Variants in NEK3 observed in about 807,000 individuals in gnomAD.
NEK3 encodes serine/threonine-protein kinase Nek3.
A neutral mutation model predicts 66.0 loss-of-function variants in NEK3; 54 were observed. The ratio of observed to expected loss-of-function variants is 0.82; its 90% CI spans 0.66 to 1.03. The LOEUF is 1.03. Among genes scored for constraint, NEK3 ranks in the 50% least tolerant of loss-of-function variants. The pLI, the probability that NEK3 is intolerant of heterozygous loss-of-function variation, is 0.00. For missense variants in NEK3, 593 were observed against 603.0 expected (o/e 0.98, Z 0.17); for synonymous variants, 200 against 206.2 (o/e 0.97, Z 0.26).
At chr13:52,137,601 C>T (rs1956216132) in intron 11 of NEK3, among the ~76,000 whole-genome samples, 1 of 152,182 alleles carries the variant, frequency 6.6e-6, no homozygotes, top group South Asian at 2.1e-4. Flanking sequence ...AAATCTGTCA[C>T]TTAACAGTGG....
chr13:52,151,280 T>G (rs556094458), intron 6 of NEK3, 45 bp downstream of exon 6: 1 of 1,594,270 alleles, frequency 6.3e-7, no homozygotes. Context: ...TTCCTGAAAA[T>G]TGATGTTTTG....
chr13:52,152,727 G>A, intron 4 of NEK3, 35 bp from the exon 5 acceptor site: 1 of 1,324,204 alleles, frequency 7.6e-7, no homozygotes, highest in Non-Finnish European at 1.1e-6. Flanking sequence ...CTTCAAGAAT[G>A]CAGTAACTGG....
intron 2 of NEK3, 35 bp downstream of exon 2, chr13:52,156,040 T>C (rs749447358): frequency 2.1e-5 from 29 of 1,367,346 alleles, no homozygotes; most frequent in Non-Finnish European, 3.0e-5. Flanking sequence ...ACTGCATGTA[T>C]ACTTTCAAAG....
chr13:52,144,044 G>C, intron 9 of NEK3, 57 bp from the exon 10 acceptor site: 1 of 904,734 alleles, frequency 1.1e-6, no homozygotes, highest in Non-Finnish European at 1.7e-6. Flanking sequence ...TATAGATACT[G>C]CCGTGATGTC....
Position 52,133,150 on chromosome 13 carries a change from C to T in NEK3, c.1513G>A (p.Asp505Asn), listed in dbSNP as rs369643612. The T allele has an allele frequency of 3.4e-5, 55 of 1,608,754 alleles. No homozygotes were observed. Among genetic ancestry groups the T allele is most frequent in the Middle Eastern group, 1.6e-4 (1 of 6,082 alleles). Residue 505 changes from aspartate to asparagine, a missense_variant, in exon 16 of 16, where the codon GAC becomes AAC. Transcript: ENST00000610828. ...GAACATTTCCTCAGGCATTATCTGT[C>T]GCACAGGCCTTGCCATCCAGCTCGC... ...KKRAGWQGLC[D>N]R
chr13:52,157,574 CAT>C (rs1956405976), intron 1 of NEK3: 2 of 152,332 alleles, frequency 1.3e-5, no homozygotes, highest in African/African-American at 2.4e-5. Context: ...AGAAGACAGA[CAT>C]GTGTTTCATT....
intron 7 of NEK3, 64 bp from the exon 8 acceptor site, chr13:52,148,533 T>C: frequency 2.2e-6 from 3 of 1,393,946 alleles, no homozygotes; most frequent in Non-Finnish European, 3.0e-6. Context: ...CAAAAAATAA[T>C]TTCTTACCTT....
At chr13:52,135,627 T>C in intron 14 of NEK3, 102 bp downstream of exon 14, 1 of 1,043,340 alleles carries the variant, frequency 9.6e-7, no homozygotes, top group Non-Finnish European at 1.4e-6. Flanking sequence ...TACTGAACTG[T>C]ACACCTTAAA....
intron 4 of NEK3, 80 bp from the exon 5 acceptor site, chr13:52,152,772 T>G: frequency 2.3e-6 from 2 of 864,336 alleles, no homozygotes; most frequent in Non-Finnish European, 3.8e-6. Flanking sequence ...GAATCATCTC[T>G]AGGCCTTAGT....
chr13:52,144,441 G>A (rs1407253555), intron 9 of NEK3, among the ~76,000 whole-genome samples: 3 of 152,078 alleles, frequency 2.0e-5, no homozygotes, highest in Non-Finnish European at 2.9e-5. Context: ...ATATAATTTC[G>A]ATAGACAAAT....
chr13:52,133,792 G>A lies in NEK3; in HGVS notation c.1333C>T (p.Pro445Ser), dbSNP rs1474802859. 4.4e-6 allele frequency: 7 copies of A among 1,598,726 alleles called. No homozygotes were observed. In the Admixed American group the frequency reaches 8.7e-5, roughly 20 times the overall value. The change falls in exon 15 of 16, where the codon CCC becomes TCC. Residue 445 changes from proline (P) to serine (S), a missense_variant. Physicochemically the swap from Pro to Ser is moderately conservative, Grantham distance 74. Coordinates refer to ENST00000610828, the MANE Select transcript of NEK3 (RefSeq NM_002498.3). ...GATGCTTCTGTTTCTTCAGACAGGG[G>A]GCCTTTCAAGAACCCTTCTGAACCT... is the stretch of plus-strand genomic sequence containing the variant. ...RPGSEGFLKG[P>S]LSEETEASDS...
chr13:52,144,647 A>G (rs1430639349), intron 9 of NEK3, 44 bp downstream of exon 9: 1 of 1,494,186 alleles, frequency 6.7e-7, no homozygotes, highest in Non-Finnish European at 9.3e-7. Context: ...CCATTTTACC[A>G]TACACTTGAA....
rs1300736351 is a variant in NEK3, at chr13:52,136,854, T to C, written c.976A>G (p.Ile326Val). The stretch of plus-strand genomic sequence containing the variant: ...GCACTTTCAACTAAATTTTCATTAA[T>C]GCTTTCCAAATCAGTATGGCTACCC... ...RKGSHTDLES[I>V]NENLVESALR... is the part of the protein sequence containing the mutation. The change falls in exon 12 of 16, where the codon ATT becomes GTT. Residue 326 changes from isoleucine (I) to valine (V), a missense_variant. Ile to Val is a conservative substitution (Grantham distance 29, BLOSUM62 3). Coordinates refer to ENST00000610828, the MANE Select transcript of NEK3 (RefSeq NM_002498.3). 1.3e-6 allele frequency: 2 copies of C among 1,575,426 alleles called. No individual in the cohort carries two copies. Among genetic ancestry groups the C allele is most frequent in the Non-Finnish European group, 1.7e-6 (2 of 1,158,944 alleles).
intron 11 of NEK3, among the ~76,000 whole-genome samples, chr13:52,140,029 C>T (rs1338090416): frequency 7.0e-6 from 1 of 142,326 alleles, no homozygotes; most frequent in African/African-American, 2.6e-5. Context: ...TAGCAAAATC[C>T]CATCTCTTTA....
intron 7 of NEK3, among the ~76,000 whole-genome samples, chr13:52,149,610 C>T (rs1422210251): frequency 6.6e-6 from 1 of 152,108 alleles, no homozygotes; most frequent in Non-Finnish European, 1.5e-5. Context: ...TGGTTCACAC[C>T]TGTAATCCCA....
At chr13:52,144,993 T>C in intron 8 of NEK3, 102 bp from the exon 9 acceptor site, 1 of 772,100 alleles carries the variant, frequency 1.3e-6, no homozygotes, top group Non-Finnish European at 2.1e-6. Context: ...ACATATCTGC[T>C]GTCTGGTCAT....
chr13:52,144,070 T>C, intron 9 of NEK3, 83 bp from the exon 10 acceptor site: 1 of 759,734 alleles, frequency 1.3e-6, no homozygotes, highest in Non-Finnish European at 2.1e-6. Flanking sequence ...ATCATCAGCA[T>C]TCTTTAGCAC....
chr13:52,147,351 T>C (rs940347652), intron 8 of NEK3, among the ~76,000 whole-genome samples: 8 of 152,152 alleles, frequency 5.3e-5, no homozygotes, highest in African/African-American at 1.4e-4. Context: ...TTATATACAA[T>C]AGCCAAAAGA....
chr13:52,137,859 C>T (rs1448252130), intron 11 of NEK3, among the ~76,000 whole-genome samples: 2 of 152,208 alleles, frequency 1.3e-5, no homozygotes, highest in Non-Finnish European at 2.9e-5. Context: ...CTCAAGTCCT[C>T]CATTCCCTGA....
Sources: gnomAD v4.1 joint callset for allele counts (sites outside exome capture counted in the v4.1 genomes callset) on GRCh38, gnomAD v4.1.1 for gene constraint, MANE v1.5 for transcripts, NCBI Gene and HGNC (gene_info 2026-07-23, HGNC 2026-07-21) for gene names.